The following GREB1 variants were observed in gnomAD, a reference collection of about 807,000 sequenced individuals.
GREB1 encodes growth regulating estrogen receptor binding 1, also known as protein GREB1.
Under a neutral mutation model 200.7 loss-of-function variants are expected in GREB1, and 106 were observed. The ratio of observed to expected loss-of-function variants is 0.53; its 90% confidence interval spans 0.45 to 0.62. The LOEUF is 0.62. Among genes scored for constraint, GREB1 ranks in the 20% least tolerant of loss-of-function variants. The probability of loss-of-function intolerance (pLI) is 0.00; values close to 1 mark genes in which losing one functional copy is unlikely to be tolerated. For synonymous variants in GREB1, 1,132 were observed against 1,092.4 expected, an observed-to-expected ratio of 1.04 and a Z score of -0.72; for missense variants, 2,243 against 2,556.8, an observed-to-expected ratio of 0.88 and a Z score of 2.65.
chr2:11,552,746 T>C (rs554670732), intron 1 of GREB1, among the ~76,000 whole-genome samples: 1 of 152,078 alleles, frequency 6.6e-6, no homozygotes, highest in Non-Finnish European at 1.5e-5. Context: ...GCGCGGTGGC[T>C]CACGCCTGTA....
At chr2:11,574,884 C>G (rs1291091610) in intron 4 of GREB1, among the ~76,000 whole-genome samples, 1 of 152,182 alleles carries the variant, frequency 6.6e-6, no homozygotes, top group Non-Finnish European at 1.5e-5. Context: ...TTTGTGCTGG[C>G]ACAGAGGGAA....
At chr2:11,589,437 G>A (rs1407619968) in intron 10 of GREB1, among the ~76,000 whole-genome samples, 1 of 152,226 alleles carries the variant, frequency 6.6e-6, no homozygotes, top group Admixed American at 6.5e-5. Flanking sequence ...GGTGAGTGCT[G>A]TGAGGTGGAG....
Position 11,637,701 on chromosome 2 carries a change from C to T in GREB1, c.5347-15C>T, listed in dbSNP as rs768375479. ...CTCAGGGCAGTAGTGGCCTGACACC[C>T]CCCTTCCCGTGCAGGTGTCTGATAA... On this transcript the variant is annotated splice_polypyrimidine_tract_variant and intron_variant, in intron 30 of 32. Coordinates refer to ENST00000381486, the MANE Select transcript of GREB1 (RefSeq NM_014668.4). The T allele has an allele frequency of 3.1e-6, 5 of 1,611,084 alleles. No homozygotes were observed. The highest frequency in any genetic ancestry group is 4.2e-6 in the Non-Finnish European group (5 of 1,179,218).
In GREB1 at chr2:11,640,508, T is replaced by C; in HGVS notation, c.*54T>C. 6.3e-7 allele frequency: 1 copy of C among 1,596,900 alleles called. No individual in the cohort carries two copies. Among genetic ancestry groups the C allele is most frequent in the Non-Finnish European group, 8.6e-7 (1 of 1,166,074 alleles). ...ATGAGTGCTCAGAGCCCTCATGCTG[T>C]TGAGGCTAAAGGGAGGCCTGGAACG... is the stretch of plus-strand genomic sequence containing the variant. On this transcript the variant is annotated 3_prime_UTR_variant, in exon 33 of 33. Coordinates refer to ENST00000381486, the MANE Select transcript of GREB1 (RefSeq NM_014668.4). This position sits in a 1 kb window ranked among gnomAD's most constrained non-coding sequence, Gnocchi z 4.6.
intron 4 of GREB1, among the ~76,000 whole-genome samples, chr2:11,575,139 G>C (rs564680626): frequency 5.7e-4 from 87 of 152,340 alleles, no homozygotes; most frequent in African/African-American, 1.9e-3. Context: ...GTTACACACA[G>C]AGCCGGGTGG....
Position 11,566,488 on chromosome 2 carries a change from C to G in GREB1, c.286C>G (p.Gln96Glu). 6.2e-7 allele frequency: 1 copy of G among 1,607,356 alleles called. No homozygotes were observed. The highest frequency in any genetic ancestry group is 1.1e-5 in the South Asian group (1 of 90,224). ...EGCCTTDGFCQAGKDLRLVSI... is the reference protein window; with the variant it reads ...EGCCTTDGFCEAGKDLRLVSI... The stretch of plus-strand genomic sequence containing the variant: ...CTGTCCACCCCTCCTAGGGTTTTGC[C>G]AGGCCGGGAAGGACCTGCGCCTTGT... The change falls in exon 4 of 33, where the codon CAG (glutamine) becomes GAG (glutamate). Residue 96 changes from glutamine to glutamate, a missense_variant. Transcript: ENST00000381486.
intron 23 of GREB1, among the ~76,000 whole-genome samples, chr2:11,621,927 C>T (rs908140948): frequency 7.9e-5 from 12 of 152,338 alleles, no homozygotes; most frequent in African/African-American, 2.9e-4. Context: ...GAATTTGTCT[C>T]CTTGCTTTCT....
chr2:11,617,484 A>G (rs1405544655), intron 21 of GREB1, among the ~76,000 whole-genome samples: 1 of 152,254 alleles, frequency 6.6e-6, no homozygotes, highest in Non-Finnish European at 1.5e-5. Flanking sequence ...ATTTTGCAGT[A>G]GTCTTTTGCA....
At chr2:11,506,332 G>A (rs1212881272) in intron 1 of GREB1, among the ~76,000 whole-genome samples, 1 of 152,188 alleles carries the variant, frequency 6.6e-6, no homozygotes, top group East Asian at 1.9e-4. Context: ...TTTATCTGGG[G>A]ACTGGGCTTG....
At chr2:11,574,193 T>C (rs1272934493) in intron 4 of GREB1, among the ~76,000 whole-genome samples, 2 of 152,240 alleles carry the variant, frequency 1.3e-5, no homozygotes, top group East Asian at 3.8e-4. Context: ...CCTCTCGATG[T>C]TAACCGGCTG....
chr2:11,538,779 TCTTCCTTCCTTCCTTCCCTTCTTTA>T (rs1310875232), intron 1 of GREB1, among the ~76,000 whole-genome samples: 442 of 21,354 alleles, frequency 0.021, 27 homozygotes, highest in African/African-American at 0.036. Context: ...TTCCTTCCCG[TCTTCCTTCCTTCCTTCCCTTCTTTA>T]CTTCCTTCCT....
chr2:11,570,429 T>C (rs534173806), intron 4 of GREB1, among the ~76,000 whole-genome samples: 1 of 151,844 alleles, frequency 6.6e-6, no homozygotes, highest in Non-Finnish European at 1.5e-5. Context: ...ATAACGGCTT[T>C]TCATTAGAAA....
chr2:11,581,712 A>G (rs1679503127), intron 7 of GREB1, among the ~76,000 whole-genome samples: 1 of 152,138 alleles, frequency 6.6e-6, no homozygotes, highest in Non-Finnish European at 1.5e-5. Flanking sequence ...GCTAAATTGG[A>G]TTTGAAGATC....
At position 11,589,704 on chromosome 2, in the gene GREB1, G is replaced by A. The variant is rs535595563; in HGVS notation, c.1345+773G>A. 2.6e-5 allele frequency among the ~76,000 whole-genome samples: 4 copies of A among 152,332 alleles called. No individual in the cohort carries two copies. In the East Asian group the frequency reaches 5.8e-4, roughly 22 times the overall value. ...GGAAATGGAGAAAGAGTCAGTTGTTGCCTATTAAAGGCACACAGTGGCTTG... is the reference window on the plus strand; with the variant it reads ...GGAAATGGAGAAAGAGTCAGTTGTTACCTATTAAAGGCACACAGTGGCTTG... On this transcript the variant is annotated intron_variant, in intron 10 of 32. Coordinates refer to ENST00000381486, the MANE Select transcript of GREB1 (RefSeq NM_014668.4).
chr2:11,589,767 T>G (rs955146698), intron 10 of GREB1, among the ~76,000 whole-genome samples: 1 of 152,122 alleles, frequency 6.6e-6, no homozygotes, highest in Admixed American at 6.5e-5. Context: ...GGAGGGGCTA[T>G]TCTGAAGGTA....
At chr2:11,499,262 G>A (rs149458796) in intron 1 of GREB1, among the ~76,000 whole-genome samples, 118 of 152,362 alleles carry the variant, frequency 7.7e-4, no homozygotes, top group Middle Eastern at 3.4e-3. Context: ...TGCAAATGAG[G>A]TCTTTGTGTG....
intron 1 of GREB1, among the ~76,000 whole-genome samples, chr2:11,545,801 G>GA (rs1225094881): frequency 6.6e-6 from 1 of 152,198 alleles, no homozygotes; most frequent in Non-Finnish European, 1.5e-5. Context: ...TGGAAAGCAA[G>GA]AAAAATCTCT....
chr2:11,639,618 C>T (rs1351958693), intron 32 of GREB1, among the ~76,000 whole-genome samples: 1 of 152,210 alleles, frequency 6.6e-6, no homozygotes, highest in Non-Finnish European at 1.5e-5. Flanking sequence ...TGCTCAGATC[C>T]CTAGCTGACC....
intron 1 of GREB1, among the ~76,000 whole-genome samples, chr2:11,525,566 G>A (rs1331348343): frequency 6.6e-6 from 1 of 150,552 alleles, no homozygotes; most frequent in Non-Finnish European, 1.5e-5. Context: ...CTTTTGGAAT[G>A]ACCTACTCTG....
Sources: gnomAD v4.1 joint callset for allele counts (sites outside exome capture counted in the v4.1 genomes callset) on GRCh38, gnomAD v4.1.1 for gene constraint, Gnocchi (gnomAD v3.1) non-coding constraint, MANE v1.5 for transcripts, NCBI Gene and HGNC (gene_info 2026-07-23, HGNC 2026-07-21) for gene names.